Variants in CHLSN observed in about 807,000 individuals in gnomAD.
CHLSN encodes cholesin, also known as protein cholesin.
the CHLSN span, among the ~76,000 whole-genome samples, chr7:1,129,844 A>C: frequency 6.6e-6 from 1 of 152,254 alleles, no homozygotes; most frequent in Non-Finnish European, 1.5e-5. Flanking sequence ...AAAGCGTTTA[A>C]GATTAAGAGA....
the CHLSN span, chr7:1,058,218 C>T: frequency 6.6e-6 from 5 of 754,900 alleles, no homozygotes; most frequent in Middle Eastern, 4.5e-4. Context: ...ACACAGGCTG[C>T]TGGTGGCCAC....
the CHLSN span, among the ~76,000 whole-genome samples, chr7:1,131,890 T>A: frequency 1.3e-5 from 2 of 152,244 alleles, no homozygotes; most frequent in African/African-American, 4.8e-5. Context: ...AGATAATGAA[T>A]GTTTGTTATG....
the CHLSN span, among the ~76,000 whole-genome samples, chr7:1,038,946 C>G: frequency 1.4e-5 from 1 of 71,452 alleles, no homozygotes; most frequent in Non-Finnish European, 3.0e-5. Context: ...CTCTGCCCGG[C>G]CGCCCCTACT....
chr7:1,054,054 T>A, the CHLSN span, among the ~76,000 whole-genome samples: 154 of 152,288 alleles, frequency 1.0e-3, no homozygotes, highest in African/African-American at 3.4e-3. Context: ...CTTCCTTCCA[T>A]GCCTCTCAGC....
the CHLSN span, among the ~76,000 whole-genome samples, chr7:1,102,335 C>A: frequency 1.3e-5 from 2 of 152,176 alleles, no homozygotes; most frequent in Non-Finnish European, 2.9e-5. Context: ...ACTAAAGCTG[C>A]GGGCAGCTCT....
the CHLSN span, among the ~76,000 whole-genome samples, chr7:1,100,157 T>C: frequency 6.6e-6 from 1 of 152,194 alleles, no homozygotes; most frequent in African/African-American, 2.4e-5. Flanking sequence ...CTTGCCTTTT[T>C]CAAGCAGGTG....
chr7:1,072,676 CTTTTTTT>C, the CHLSN span, among the ~76,000 whole-genome samples: 100 of 110,274 alleles, frequency 9.1e-4, no homozygotes, highest in East Asian at 1.1e-3. Context: ...CTTTTCTTTC[CTTTTTTT>C]TTTTTTTTTT....
the CHLSN span, among the ~76,000 whole-genome samples, chr7:1,124,412 G>A: frequency 6.6e-6 from 1 of 151,712 alleles, no homozygotes; most frequent in Non-Finnish European, 1.5e-5. Flanking sequence ...AAAGTCGTGT[G>A]TGCCTGAGGC....
the CHLSN span, among the ~76,000 whole-genome samples, chr7:981,696 G>C: frequency 4.6e-5 from 7 of 152,022 alleles, no homozygotes; most frequent in Non-Finnish European, 8.8e-5. Flanking sequence ...CCTGGCAACA[G>C]AGTGAGATTC....
At chr7:1,027,156 T>C in the CHLSN span, 6 of 152,272 alleles carry the variant, frequency 3.9e-5, no homozygotes, top group Non-Finnish European at 5.9e-5. Flanking sequence ...TTGTTACACA[T>C]AGTTTAAAAC....
the CHLSN span, chr7:983,516 A>T: frequency 2.2e-6 from 2 of 924,264 alleles, no homozygotes; most frequent in Non-Finnish European, 2.9e-6. Context: ...GGCACGCAGG[A>T]GGCCGGAGGG....
At chr7:1,088,663 A>T in the CHLSN span, among the ~76,000 whole-genome samples, 2 of 152,212 alleles carry the variant, frequency 1.3e-5, no homozygotes, top group South Asian at 4.1e-4. The surrounding 1 kb of genome is among the most constrained non-coding windows in gnomAD (Gnocchi z 4.5). Flanking sequence ...GCGGTGCCCC[A>T]GTCACTCTCA....
chr7:1,017,978 G>A, the CHLSN span, among the ~76,000 whole-genome samples: 4 of 152,264 alleles, frequency 2.6e-5, no homozygotes, highest in Admixed American at 1.3e-4. Context: ...TCCAGCAGGT[G>A]ACAGAAGACC....
At chr7:1,008,219 G>C in the CHLSN span, among the ~76,000 whole-genome samples, 1 of 152,186 alleles carries the variant, frequency 6.6e-6, no homozygotes, top group Admixed American at 6.5e-5. Flanking sequence ...TTCCAGGCCT[G>C]TGTCCACCTG....
the CHLSN span, chr7:1,045,408 C>T: frequency 1.3e-5 from 2 of 152,258 alleles, no homozygotes; most frequent in South Asian, 4.1e-4. Context: ...CAGCTCCTGT[C>T]CACACGGAAC....
the CHLSN span, among the ~76,000 whole-genome samples, chr7:1,007,888 G>C: frequency 6.6e-6 from 1 of 152,146 alleles, no homozygotes; most frequent in Non-Finnish European, 1.5e-5. Flanking sequence ...GTGATCATGG[G>C]AGGGGAGTCA....
chr7:1,002,807 TG>T, the CHLSN span, among the ~76,000 whole-genome samples: 1 of 26,840 alleles, frequency 3.7e-5, no homozygotes, highest in Non-Finnish European at 7.2e-5. Context: ...TGGAGTCCTG[TG>T]GGTGGGGAGT....
At chr7:981,699 T>A in the CHLSN span, among the ~76,000 whole-genome samples, 1 of 149,344 alleles carries the variant, frequency 6.7e-6, no homozygotes, top group Non-Finnish European at 1.5e-5. Flanking sequence ...GGCAACAGAG[T>A]GAGATTCCGT....
At chr7:1,001,979 T>C in the CHLSN span, among the ~76,000 whole-genome samples, 4 of 52,548 alleles carry the variant, frequency 7.6e-5, no homozygotes, top group Non-Finnish European at 1.1e-4. Context: ...GTGAGTGGAG[T>C]CCTGTGGGTG....
Sources: gnomAD v4.1 joint callset for allele counts (sites outside exome capture counted in the v4.1 genomes callset) on GRCh38, gnomAD v4.1.1 for gene constraint, Gnocchi (gnomAD v3.1) non-coding constraint, MANE v1.5 for transcripts, NCBI Gene and HGNC (gene_info 2026-07-23, HGNC 2026-07-21) for gene names.